The following RFX3 variants were observed in gnomAD, a reference collection of about 807,000 sequenced individuals.
The protein encoded by RFX3 is regulatory factor X3.
RFX3 carries 14 observed loss-of-function variants against 98.6 expected under a neutral mutation model. The ratio of observed to expected loss-of-function variants is 0.14; its 90% CI spans 0.09 to 0.22. The LOEUF is 0.22. Among genes scored for constraint, RFX3 ranks in the 10% least tolerant of loss-of-function variants. RFX3 has a pLI of 1.00. For synonymous variants in RFX3, 383 were observed against 328.4 expected, an observed-to-expected ratio of 1.17 and a Z score of -1.80; for missense variants, 639 against 926.9, an observed-to-expected ratio of 0.69 and a Z score of 4.03.
At chr9:3,506,208 T>TC (rs2133782550) in intron 1 of RFX3, among the ~76,000 whole-genome samples, 1 of 151,362 alleles carries the variant, frequency 6.6e-6, no homozygotes, top group Non-Finnish European at 1.5e-5. Context: ...GACAACTGTT[T>TC]TTTTTTTTTT....
intron 4 of RFX3, among the ~76,000 whole-genome samples, chr9:3,318,502 C>A (rs1472623483): frequency 6.7e-6 from 1 of 149,538 alleles, no homozygotes; most frequent in Non-Finnish European, 1.5e-5. Context: ...GCACATGTAC[C>A]CTAGAAATTA....
intron 15 of RFX3, among the ~76,000 whole-genome samples, chr9:3,240,629 A>T (rs530366817): frequency 2.6e-5 from 4 of 152,164 alleles, no homozygotes; most frequent in Non-Finnish European, 5.9e-5. Context: ...GAGAATCTCT[A>T]ATTTTTATGA....
rs764392006 is a variant in RFX3, at chr9:3,330,445, A to C, written c.288T>G (p.Thr96=). The C allele has an allele frequency of 1.2e-6, 2 of 1,614,016 alleles. No homozygotes were observed. Among genetic ancestry groups the C allele is most frequent in the Non-Finnish European group, 8.5e-7 (1 of 1,179,974 alleles). ...SQNTGGNYFD[T]QGSSAQVTTV... ...TAGTCACCTGGGCGGAACTCCCTTG[A>C]GTATCAAAGTAATTCCCTCCAGTAT... is the stretch of plus-strand genomic sequence containing the variant. Residue 96 remains threonine, a synonymous_variant, in exon 4 of 17, where the codon ACT becomes ACG. Coordinates refer to ENST00000617270, the MANE Select transcript of RFX3 (RefSeq NM_001282116.2).
intron 1 of RFX3, among the ~76,000 whole-genome samples, chr9:3,518,718 A>G (rs933223681): frequency 3.3e-5 from 5 of 152,158 alleles, no homozygotes; most frequent in African/African-American, 1.2e-4. Context: ...ATGTTACTTA[A>G]ACATCTTTAA....
rs934922533 is a variant in RFX3 at position 3,384,823 on chromosome 9, G to C, written c.117+10649C>G. 1.5e-4 allele frequency among the ~76,000 whole-genome samples: 23 copies of C among 152,058 alleles called. 1 individual carries two copies. The highest frequency in any genetic ancestry group is 3.2e-3 in the Middle Eastern group (1 of 316). On this transcript the variant is annotated intron_variant, in intron 2 of 16. Coordinates refer to ENST00000617270, the MANE Select transcript of RFX3 (RefSeq NM_001282116.2). ...TCCCACGCTCTCCCCCAGCCATATA[G>C]ACTCTGTTTCAACTCCACAAACCCA... is the stretch of plus-strand genomic sequence containing the variant.
chr9:3,270,290 G>C (rs1824259189), intron 11 of RFX3, 81 bp downstream of exon 11: 1 of 1,343,848 alleles, frequency 7.4e-7, no homozygotes, highest in African/African-American at 1.5e-5. Context: ...AATCATTCTA[G>C]ATTGCAATGT....
At chr9:3,325,699 A>T (rs922370290) in intron 4 of RFX3, among the ~76,000 whole-genome samples, 1 of 152,126 alleles carries the variant, frequency 6.6e-6, no homozygotes. Flanking sequence ...TAATTATTGC[A>T]TACTCTGGTA....
chr9:3,521,459 G>A (rs1587928258), intron 1 of RFX3, among the ~76,000 whole-genome samples: 1 of 152,036 alleles, frequency 6.6e-6, no homozygotes, highest in South Asian at 2.1e-4. Flanking sequence ...AAAAGTTCTA[G>A]TGAGTTCACA....
intron 9 of RFX3, among the ~76,000 whole-genome samples, chr9:3,273,393 C>T (rs1824763243): frequency 6.6e-6 from 1 of 152,016 alleles, no homozygotes. Flanking sequence ...GTCCCTATTT[C>T]TTCATAAAAA....
At chr9:3,324,471 A>G (rs1273254129) in intron 4 of RFX3, among the ~76,000 whole-genome samples, 1 of 151,948 alleles carries the variant, frequency 6.6e-6, no homozygotes, top group Non-Finnish European at 1.5e-5. Context: ...TTCTAATATA[A>G]TCATTTCCCT....
chr9:3,467,067 TAAGTATATATGTATATACATACATATATG>T (rs1848309906), intron 1 of RFX3, among the ~76,000 whole-genome samples: 3 of 141,498 alleles, frequency 2.1e-5, no homozygotes, highest in Non-Finnish European at 4.6e-5. Context: ...TACATATATA[TAAGTATATATGTATATACATACATATATG>T]TAAGTATATA....
chr9:3,298,386 C>G (rs1357349640), intron 5 of RFX3, among the ~76,000 whole-genome samples: 1 of 151,736 alleles, frequency 6.6e-6, no homozygotes, highest in African/African-American at 2.4e-5. Context: ...AGAAACAATA[C>G]AATAAATGTA....
chr9:3,461,126 TAGAC>T (rs1847650578), intron 1 of RFX3, among the ~76,000 whole-genome samples: 1 of 151,192 alleles, frequency 6.6e-6, no homozygotes. Flanking sequence ...CTAAACTAGA[TAGAC>T]AAAATACATG....
chr9:3,229,236 C>T lies in RFX3; in HGVS notation c.1969-347G>A, dbSNP rs73642616. ...ATGTGGCAAAACGAATTTGGAAAAG[C>T]CCCAATCAAGCAGGACACATCAGCT... is the stretch of plus-strand genomic sequence containing the variant. On this transcript the variant is annotated intron_variant, in intron 15 of 16. Transcript: ENST00000617270. 6.7e-3 allele frequency among the ~76,000 whole-genome samples: 1,018 copies of T among 152,230 alleles called. 4 individuals are homozygous for T. The highest frequency in any genetic ancestry group is 0.023 in the African/African-American group (962 of 41,536).
intron 2 of RFX3, among the ~76,000 whole-genome samples, chr9:3,348,259 G>A (rs371900192): frequency 3.7e-4 from 57 of 152,148 alleles, no homozygotes; most frequent in African/African-American, 1.3e-3. Context: ...ATATGTTGGG[G>A]CTTGAACAAG....
chr9:3,449,622 G>A (rs894220319), intron 1 of RFX3, among the ~76,000 whole-genome samples: 4 of 152,120 alleles, frequency 2.6e-5, no homozygotes, highest in Non-Finnish European at 5.9e-5. Context: ...AACTGGGGAG[G>A]CCAAGGAGCT....
chr9:3,247,338 T>C (rs1217142999), intron 15 of RFX3: 1 of 987,414 alleles, frequency 1.0e-6, no homozygotes, highest in East Asian at 1.1e-4. Flanking sequence ...CCCCCTTACA[T>C]CATTAGTGGT....
chr9:3,523,206 T>C (rs763535875), intron 1 of RFX3, among the ~76,000 whole-genome samples: 3 of 152,252 alleles, frequency 2.0e-5, no homozygotes, highest in Non-Finnish European at 2.9e-5. Context: ...AAGTGACTTC[T>C]ATTTAATAGT....
intron 1 of RFX3, among the ~76,000 whole-genome samples, chr9:3,409,240 ATTTC>A (rs905593096): frequency 6.6e-6 from 1 of 152,348 alleles, no homozygotes; most frequent in Non-Finnish European, 1.5e-5. Flanking sequence ...GGTATAGAAG[ATTTC>A]TTTCTTTTAA....
Sources: allele counts gnomAD v4.1 joint callset (sites outside exome capture counted in the v4.1 genomes callset), GRCh38; gene constraint gnomAD v4.1.1; transcripts MANE v1.5; gene names NCBI Gene and HGNC (gene_info 2026-07-23, HGNC 2026-07-21).